ATP10B: variants seen among roughly 807,000 people sequenced by gnomAD.
ATP10B encodes ATPase phospholipid transporting 10B (putative).
A neutral mutation model predicts 141.2 loss-of-function variants in ATP10B; 122 were observed. That is an observed-to-expected ratio of 0.86 (90% confidence interval 0.75 to 1.00). The LOEUF (loss-of-function observed/expected upper bound fraction) is 1.00, where lower values mean the gene tolerates loss of function less well. ATP10B is among the 50% of genes least tolerant of loss of function. ATP10B has a pLI of 0.00. For missense variants in ATP10B, 1,876 were observed against 1,825.3 expected (o/e 1.03, Z -0.51); for synonymous variants, 685 against 692.0 (o/e 0.99, Z 0.16).
chr5:160,822,980 TTACATATACATATATATATACATATATA>T, intron 1 of ATP10B, among the ~76,000 whole-genome samples: 1 of 56,474 alleles, frequency 1.8e-5, no homozygotes, highest in East Asian at 4.3e-4. Flanking sequence ...TAGTAAAAAA[TTACATATACATATATATATACATATATA>T]TATATATATA....
chr5:160,778,909 C>G (rs770706820), intron 2 of ATP10B, among the ~76,000 whole-genome samples: 3 of 152,106 alleles, frequency 2.0e-5, no homozygotes, highest in Non-Finnish European at 4.4e-5. Flanking sequence ...GTGAGTGATT[C>G]TGCTTCTCTA....
At chr5:160,628,878 C>G (rs1758758548) in intron 13 of ATP10B, among the ~76,000 whole-genome samples, 1 of 152,000 alleles carries the variant, frequency 6.6e-6, no homozygotes, top group East Asian at 1.9e-4. Flanking sequence ...CACCTTAAAG[C>G]CACAGATTTT....
Position 160,831,479 on chromosome 5 carries a change from A to G in ATP10B, c.-576+20462T>C, listed in dbSNP as rs367661000. Among the ~76,000 whole-genome samples the G allele has an allele frequency of 3.9e-5, 6 of 152,140 alleles. No homozygotes were observed. The East Asian group carries it at 1.2e-3, about 29-fold the overall frequency. On this transcript the variant is annotated intron_variant, in intron 1 of 25. Coordinates refer to ENST00000327245, the MANE Select transcript of ATP10B (RefSeq NM_025153.3). ...TAATACTTCATTTGTGGGAAAATACAGATGAAAATCTTGAAACAAGAGAAG... is the reference window on the plus strand; with the variant it reads ...TAATACTTCATTTGTGGGAAAATACGGATGAAAATCTTGAAACAAGAGAAG...
At chr5:160,730,360 T>G (rs941919119) in intron 2 of ATP10B, among the ~76,000 whole-genome samples, 1 of 152,048 alleles carries the variant, frequency 6.6e-6, no homozygotes, top group Non-Finnish European at 1.5e-5. Context: ...TGGAACGATA[T>G]TTCTCTTCTT....
intron 2 of ATP10B, 86 bp downstream of exon 2, chr5:160,785,473 T>C (rs1029587244): frequency 8.0e-6 from 3 of 375,180 alleles, no homozygotes; most frequent in Non-Finnish European, 1.6e-5. Flanking sequence ...AGAGGGTACA[T>C]GTGCAAGTTT....
At chr5:160,909,706 G>GT in the ATP10B span, among the ~76,000 whole-genome samples, 1 of 152,148 alleles carries the variant, frequency 6.6e-6, no homozygotes, top group Non-Finnish European at 1.5e-5. Flanking sequence ...AATCACTTCT[G>GT]TTTTTTCTCT....
chr5:160,606,348 C>T (rs1757387076), intron 19 of ATP10B, among the ~76,000 whole-genome samples: 1 of 152,132 alleles, frequency 6.6e-6, no homozygotes, highest in Admixed American at 6.5e-5. Flanking sequence ...TTAAAATCTC[C>T]CCACCAGCCA....
intron 3 of ATP10B, among the ~76,000 whole-genome samples, chr5:160,707,327 T>A (rs577234180): frequency 4.3e-4 from 65 of 152,350 alleles, no homozygotes; most frequent in African/African-American, 1.5e-3. Context: ...TCCACTACAG[T>A]GGGATCCCCC....
chr5:160,815,829 A>G (rs956635597), intron 1 of ATP10B, among the ~76,000 whole-genome samples: 2 of 152,256 alleles, frequency 1.3e-5, no homozygotes, highest in East Asian at 3.8e-4. Context: ...ACCACAGTGC[A>G]ATCAAACTAG....
In ATP10B at chr5:160,708,780, G is replaced by A. The variant is rs369301555; in HGVS notation, c.-205+8129C>T. Among the ~76,000 whole-genome samples the A allele has an allele frequency of 2.6e-5, 4 of 152,186 alleles. No homozygotes were observed. In the East Asian group the frequency reaches 7.7e-4, roughly 29 times the overall value. ...ACTGAGACTTGTTCTACGTCATGAT[G>A]GAAGAGCTGTCTGTCTAGGGAAAAA... is the stretch of plus-strand genomic sequence containing the variant. On this transcript the variant is annotated intron_variant, in intron 3 of 25. Transcript: ENST00000327245.
the ATP10B span, among the ~76,000 whole-genome samples, chr5:160,857,906 C>G: frequency 6.6e-6 from 1 of 151,718 alleles, no homozygotes; most frequent in Non-Finnish European, 1.5e-5. Context: ...TGTCGACATT[C>G]ATTTTGTGGC....
chr5:160,809,298 G>A (rs1392671051), intron 1 of ATP10B, among the ~76,000 whole-genome samples: 1 of 152,142 alleles, frequency 6.6e-6, no homozygotes, highest in African/African-American at 2.4e-5. Context: ...GGGAGTAGCA[G>A]TTGCTGATCC....
chr5:160,810,080 G>T (rs1349984525), intron 1 of ATP10B, among the ~76,000 whole-genome samples: 1 of 152,114 alleles, frequency 6.6e-6, no homozygotes, highest in South Asian at 2.1e-4. Context: ...TTTACATGAT[G>T]AATTTTGCCA....
chr5:160,686,275 T>C lies in ATP10B; in HGVS notation c.276-2A>G. The C allele has an allele frequency of 6.4e-7, 1 of 1,574,738 alleles. No homozygotes were observed. The highest frequency in any genetic ancestry group is 8.7e-7 in the Non-Finnish European group (1 of 1,155,562). ...AACAGGAAATAGAGGTTAGCCCATCTGGAGGGGCAAGCGAAGTGTGAATAA... is the reference window on the plus strand; with the variant it reads ...AACAGGAAATAGAGGTTAGCCCATCCGGAGGGGCAAGCGAAGTGTGAATAA... On this transcript the variant is annotated splice_acceptor_variant, in intron 5 of 25. Coordinates refer to ENST00000327245, the MANE Select transcript of ATP10B (RefSeq NM_025153.3). LOFTEE classifies it high-confidence loss of function.
the ATP10B span, among the ~76,000 whole-genome samples, chr5:160,862,950 T>G: frequency 8.6e-4 from 131 of 152,110 alleles, 2 homozygotes; most frequent in East Asian, 0.025. Flanking sequence ...AAGATATGAA[T>G]AATAGTGATA....
the ATP10B span, among the ~76,000 whole-genome samples, chr5:160,894,380 A>G: frequency 4.4e-4 from 67 of 152,106 alleles, no homozygotes; most frequent in Non-Finnish European, 8.2e-4. Flanking sequence ...GAGCTGAAAA[A>G]CACAGCACGA....
the ATP10B span, among the ~76,000 whole-genome samples, chr5:160,873,686 G>T: frequency 1.3e-5 from 2 of 152,160 alleles, no homozygotes; most frequent in Non-Finnish European, 1.5e-5. Context: ...CGCACTGTGC[G>T]CGAGCCAAAG....
the ATP10B span, among the ~76,000 whole-genome samples, chr5:160,869,474 T>A: frequency 1.3e-5 from 2 of 152,086 alleles, no homozygotes; most frequent in Non-Finnish European, 2.9e-5. Context: ...TTATTTCAGT[T>A]GGGGAAAAAA....
chr5:160,651,734 G>A (rs567947469), intron 7 of ATP10B, among the ~76,000 whole-genome samples: 1 of 152,208 alleles, frequency 6.6e-6, no homozygotes, highest in East Asian at 1.9e-4. Flanking sequence ...TTGGATTTGA[G>A]GGGGTGCCAA....
Sources: gnomAD v4.1 joint callset for allele counts (sites outside exome capture counted in the v4.1 genomes callset) on GRCh38, gnomAD v4.1.1 for gene constraint, MANE v1.5 for transcripts, NCBI Gene and HGNC (gene_info 2026-07-23, HGNC 2026-07-21) for gene names.